The following SPG7 variants were observed in gnomAD, a reference collection of about 807,000 sequenced individuals.
SPG7 encodes SPG7 matrix AAA peptidase subunit, paraplegin.
A neutral mutation model predicts 81.9 loss-of-function variants in SPG7; 103 were observed. The observed-to-expected ratio is 1.26, with a 90% CI of 1.07 to 1.48. The LOEUF (loss-of-function observed/expected upper bound fraction) is 1.48, where lower values mean the gene tolerates loss of function less well. Ranked by LOEUF, SPG7 falls within the 40% of genes most tolerant of loss-of-function variation. The pLI is 0.00. For synonymous variants in SPG7, 534 were observed against 444.2 expected (o/e 1.20, Z -2.54); for missense variants, 1,241 against 1,087.3 (o/e 1.14, Z -1.99).
chr16:89,532,835 G>C, intron 9 of SPG7, 199 bp downstream of exon 9: 2 of 632,138 alleles, frequency 3.2e-6, no homozygotes, highest in East Asian at 2.9e-5. Context: ...TGTAATCCCA[G>C]CACTTTGGGA....
intron 14 of SPG7, 84 bp from the exon 15 acceptor site, chr16:89,553,709 AG>A: frequency 7.3e-7 from 1 of 1,365,800 alleles, no homozygotes; most frequent in Non-Finnish European, 1.0e-6. Context: ...GTGCTGCCTC[AG>A]TGCTCTGACC....
intron 3 of SPG7, among the ~76,000 whole-genome samples, chr16:89,516,631 C>G (rs188367294): frequency 6.6e-6 from 1 of 151,134 alleles, no homozygotes; most frequent in East Asian, 2.0e-4. Context: ...GAGGCCAAGG[C>G]GAGCAGATCA....
intron 5 of SPG7, chr16:89,527,078 A>G (rs2058273986): frequency 5.0e-6 from 1 of 199,130 alleles, no homozygotes; most frequent in Non-Finnish European, 1.1e-5. Flanking sequence ...TAGGTTGATA[A>G]TAATACCCAA....
At chr16:89,513,601 G>T (rs1369618843) in intron 3 of SPG7, among the ~76,000 whole-genome samples, 1 of 152,180 alleles carries the variant, frequency 6.6e-6, no homozygotes, top group Non-Finnish European at 1.5e-5. Flanking sequence ...AGGCGTGGTG[G>T]TGTGCACCTG....
At chr16:89,524,987 T>C (rs1193503307) in intron 4 of SPG7, among the ~76,000 whole-genome samples, 4 of 127,156 alleles carry the variant, frequency 3.1e-5, no homozygotes, top group Admixed American at 9.5e-5. Flanking sequence ...AGAGTCTCCC[T>C]CTGTCTCATC....
rs537412249 is a variant in SPG7, at chr16:89,532,278, C to T, written c.1151-185C>T. On this transcript the variant is annotated intron_variant, in intron 8 of 16. Transcript: ENST00000645818. Reference sequence around the variant, plus strand: ...TCACTTGTGGCCTGGGGGGCCAGCACGGTGCGTGTGAACCCTGAGGGGTGG... The same window carrying T: ...TCACTTGTGGCCTGGGGGGCCAGCATGGTGCGTGTGAACCCTGAGGGGTGG... 2.5e-4 allele frequency among the ~76,000 whole-genome samples: 38 copies of T among 152,342 alleles called. 2 individuals are homozygous for T. The South Asian group carries it at 6.8e-3, about 27-fold the overall frequency.
intron 10 of SPG7, chr16:89,545,823 C>G (rs1226573242): frequency 9.9e-6 from 4 of 402,632 alleles, no homozygotes; most frequent in East Asian, 7.6e-5. Context: ...ATTAGCTATT[C>G]TGCTATAATT....
At chr16:89,534,722 A>G (rs2058389213) in intron 9 of SPG7, among the ~76,000 whole-genome samples, 1 of 152,236 alleles carries the variant, frequency 6.6e-6, no homozygotes, top group Admixed American at 6.5e-5. Flanking sequence ...TTGCCACGGT[A>G]GTCAGAGTGT....
chr16:89,508,783 G>T (rs1234372367), intron 1 of SPG7, 183 bp downstream of exon 1: 4 of 753,834 alleles, frequency 5.3e-6, no homozygotes, highest in East Asian at 2.7e-5. Flanking sequence ...GATCGTGGGC[G>T]CTGGGCGGGC....
At chr16:89,527,346 G>C in intron 5 of SPG7, 1 of 152,332 alleles carries the variant, frequency 6.6e-6, no homozygotes, top group Non-Finnish European at 1.5e-5. Flanking sequence ...TGTGCTCTTT[G>C]ATGAAAGCTT....
At chr16:89,549,402 G>A (rs1244859138) in intron 12 of SPG7, 3 of 368,698 alleles carry the variant, frequency 8.1e-6, no homozygotes, top group South Asian at 2.0e-5. Context: ...GCTCATGCCT[G>A]TAATCCCAGC....
chr16:89,539,314 AT>A (rs1385636175), intron 9 of SPG7: 4 of 152,138 alleles, frequency 2.6e-5, no homozygotes, highest in African/African-American at 7.2e-5. Context: ...AGCCTGGCCA[AT>A]ATGGAGAAAC....
rs1418560015 is a variant in SPG7 at position 89,531,967 on chromosome 16, C to G, written c.1051C>G (p.Pro351Ala). ...AAAGGGCGCACTGCTGCTCGGCCCC[C>G]CCGGCTGTGGGAAGACGCTGCTGGC... ...VPKGALLLGP[P>A]GCGKTLLAKA... The change falls in exon 8 of 17, where the codon CCC becomes GCC. Residue 351 changes from proline to alanine, a missense_variant. Coordinates refer to ENST00000645818, the MANE Select transcript of SPG7 (RefSeq NM_003119.4). 2 of 1,613,942 alleles carry G rather than the reference C, an allele frequency of 1.2e-6. No homozygotes were observed. Among genetic ancestry groups the G allele is most frequent in the Non-Finnish European group, 8.5e-7 (1 of 1,179,832 alleles).
intron 3 of SPG7, chr16:89,520,017 C>G (rs1230167162): frequency 6.6e-6 from 1 of 152,272 alleles, no homozygotes; most frequent in African/African-American, 2.4e-5. Flanking sequence ...GTCCTGCAGG[C>G]TGCCGTCCAC....
At chr16:89,553,480 GC>G in intron 14 of SPG7, 2 of 528,650 alleles carry the variant, frequency 3.8e-6, no homozygotes, top group Admixed American at 3.2e-5. Flanking sequence ...GGTCCCGGGG[GC>G]CCCTGGGCTC....
chr16:89,514,958 A>G (rs2058075582), intron 3 of SPG7, among the ~76,000 whole-genome samples: 1 of 119,170 alleles, frequency 8.4e-6, no homozygotes, highest in Non-Finnish European at 1.7e-5. Flanking sequence ...TTTTTTTGAG[A>G]CGGAGTCTCG....
chr16:89,529,382 C>T, intron 5 of SPG7, 95 bp from the exon 6 acceptor site: 1 of 809,022 alleles, frequency 1.2e-6, no homozygotes, highest in Non-Finnish European at 2.1e-6. Context: ...CTCGTCTCAT[C>T]TTGGAAACAT....
At chr16:89,546,857 G>A (rs929877210) in intron 11 of SPG7, 97 bp downstream of exon 11, 11 of 819,568 alleles carry the variant, frequency 1.3e-5, no homozygotes, top group East Asian at 2.5e-5. Context: ...TGGGGTGGGC[G>A]CTGCTCCTTC....
At chr16:89,537,181 G>A (rs1376433487) in intron 9 of SPG7, 1 of 1,439,764 alleles carries the variant, frequency 6.9e-7, no homozygotes, top group Non-Finnish European at 9.1e-7. Context: ...ACAGGATAGG[G>A]CCGACGCTGT....
Sources: allele counts gnomAD v4.1 joint callset (sites outside exome capture counted in the v4.1 genomes callset), GRCh38; gene constraint gnomAD v4.1.1; transcripts MANE v1.5; gene names NCBI Gene and HGNC (gene_info 2026-07-23, HGNC 2026-07-21).